DIAPH3: variants seen among roughly 807,000 people sequenced by gnomAD.
The protein encoded by DIAPH3 is protein diaphanous homolog 3.
In DIAPH3, 117 loss-of-function variants were observed where a neutral mutation model predicts 144.3. That is an observed-to-expected ratio of 0.81 (90% CI 0.70 to 0.95). DIAPH3 has a LOEUF of 0.95. Among genes scored for constraint, DIAPH3 ranks in the 40% least tolerant of loss-of-function variants. The pLI is 0.00. For synonymous variants in DIAPH3, 519 were observed against 488.9 expected, an observed-to-expected ratio of 1.06 and a Z score of -0.81; for missense variants, 1,421 against 1,412.7, an observed-to-expected ratio of 1.01 and a Z score of -0.09.
chr13:60,013,590 T>C (rs2053429466), intron 7 of DIAPH3, among the ~76,000 whole-genome samples: 1 of 152,220 alleles, frequency 6.6e-6, no homozygotes. Flanking sequence ...ATTTAAAAAA[T>C]ACTCTTAGTC....
chr13:59,701,759 C>T (rs760556894), intron 27 of DIAPH3, among the ~76,000 whole-genome samples: 11 of 152,202 alleles, frequency 7.2e-5, no homozygotes, highest in Non-Finnish European at 1.3e-4. Context: ...CACATACACA[C>T]ATACATAAAC....
intron 27 of DIAPH3, among the ~76,000 whole-genome samples, chr13:59,690,951 A>G (rs2033485585): frequency 6.6e-6 from 1 of 152,220 alleles, no homozygotes; most frequent in Non-Finnish European, 1.5e-5. Flanking sequence ...CTGCAGAAGC[A>G]AAGAGGACAG....
At chr13:59,762,929 C>G (rs2037675608) in intron 27 of DIAPH3, among the ~76,000 whole-genome samples, 1 of 152,066 alleles carries the variant, frequency 6.6e-6, no homozygotes, top group African/African-American at 2.4e-5. Context: ...TGTTTTGTCT[C>G]CCTTAGCCCA....
chr13:60,111,786 T>C (rs1003112487), intron 3 of DIAPH3, among the ~76,000 whole-genome samples: 1 of 152,236 alleles, frequency 6.6e-6, no homozygotes, highest in African/African-American at 2.4e-5. Context: ...CTTTGGAGTA[T>C]TTGTTTTCAC....
chr13:59,763,927 T>C (rs1348368646), intron 27 of DIAPH3, among the ~76,000 whole-genome samples: 2 of 152,000 alleles, frequency 1.3e-5, no homozygotes, highest in African/African-American at 4.8e-5. Flanking sequence ...TGTAATTCTC[T>C]TGCTCCGAGC....
chr13:60,045,166 A>T (rs2055981919), intron 4 of DIAPH3, among the ~76,000 whole-genome samples: 2 of 151,952 alleles, frequency 1.3e-5, no homozygotes, highest in Non-Finnish European at 2.9e-5. Context: ...ACATGGAGAA[A>T]CCCATCTCTA....
At chr13:59,897,506 T>A (rs1017598008) in intron 20 of DIAPH3, among the ~76,000 whole-genome samples, 1 of 151,692 alleles carries the variant, frequency 6.6e-6, no homozygotes, top group Admixed American at 6.6e-5. Context: ...TCCCAGCACT[T>A]TGGGAGGCCG....
intron 27 of DIAPH3, among the ~76,000 whole-genome samples, chr13:59,677,826 T>A (rs933891178): frequency 6.6e-6 from 1 of 152,188 alleles, no homozygotes; most frequent in African/African-American, 2.4e-5. Flanking sequence ...TCTAGGTAAG[T>A]TGGATTTAGG....
At chr13:60,162,543 C>T (rs1370019853) in intron 1 of DIAPH3, among the ~76,000 whole-genome samples, 2 of 152,094 alleles carry the variant, frequency 1.3e-5, no homozygotes, top group Admixed American at 1.3e-4. Flanking sequence ...CATTTTGATA[C>T]TTAATTTGGC....
At chr13:59,980,961 C>T in intron 13 of DIAPH3, 102 bp from the exon 14 acceptor site, 1 of 888,228 alleles carries the variant, frequency 1.1e-6, no homozygotes, top group African/African-American at 1.7e-5. Flanking sequence ...TAATTAAATA[C>T]TGATACTACC....
intron 21 of DIAPH3, among the ~76,000 whole-genome samples, chr13:59,875,474 A>G (rs1566450459): frequency 6.6e-6 from 1 of 151,826 alleles, no homozygotes; most frequent in Non-Finnish European, 1.5e-5. Flanking sequence ...TAAGAGGCCC[A>G]GAATACATAT....
intron 27 of DIAPH3, among the ~76,000 whole-genome samples, chr13:59,724,365 A>G (rs1380927714): frequency 6.6e-6 from 1 of 152,208 alleles, no homozygotes; most frequent in Non-Finnish European, 1.5e-5. Flanking sequence ...AAAGAATTTA[A>G]GACACCTGTT....
chr13:59,807,339 G>GA (rs977153932), intron 25 of DIAPH3, among the ~76,000 whole-genome samples: 7 of 150,624 alleles, frequency 4.6e-5, no homozygotes, highest in Non-Finnish European at 7.4e-5. Context: ...CCCACAGTCT[G>GA]AAAAAAAAAT....
intron 1 of DIAPH3, among the ~76,000 whole-genome samples, chr13:60,154,354 G>GT (rs1256304696): frequency 6.6e-6 from 1 of 152,104 alleles, no homozygotes; most frequent in Non-Finnish European, 1.5e-5. Context: ...ACAGAGAACG[G>GT]TTAAGTAATT....
intron 1 of DIAPH3, among the ~76,000 whole-genome samples, chr13:60,133,877 A>G (rs569110893): frequency 6.6e-6 from 1 of 152,296 alleles, no homozygotes; most frequent in South Asian, 2.1e-4. Context: ...TAAATAGGAA[A>G]CAAGGTCTAC....
chr13:60,070,890 A>G (rs1296447444), intron 4 of DIAPH3, among the ~76,000 whole-genome samples: 1 of 152,224 alleles, frequency 6.6e-6, no homozygotes, highest in Non-Finnish European at 1.5e-5. Context: ...TTATTTTGAG[A>G]GAAATGGAAT....
intron 1 of DIAPH3, among the ~76,000 whole-genome samples, chr13:60,149,012 T>C (rs1951659836): frequency 6.6e-6 from 1 of 152,140 alleles, no homozygotes; most frequent in South Asian, 2.1e-4. Context: ...AACAAGTAAT[T>C]CACAGAAAGT....
intron 3 of DIAPH3, among the ~76,000 whole-genome samples, chr13:60,109,932 CAAAAGACA>C (rs1332193207): frequency 2.0e-5 from 3 of 152,126 alleles, no homozygotes; most frequent in Non-Finnish European, 4.4e-5. Flanking sequence ...CAGCTTTCAC[CAAAAGACA>C]AACGGGGGGA....
intron 24 of DIAPH3, among the ~76,000 whole-genome samples, chr13:59,831,059 A>G (rs1485026849): frequency 6.6e-6 from 1 of 151,920 alleles, no homozygotes; most frequent in Non-Finnish European, 1.5e-5. Context: ...TTATAGCAGT[A>G]TAACACTGAG....
Sources: gnomAD v4.1 joint callset for allele counts (sites outside exome capture counted in the v4.1 genomes callset) on GRCh38, gnomAD v4.1.1 for gene constraint, MANE v1.5 for transcripts, NCBI Gene and HGNC (gene_info 2026-07-23, HGNC 2026-07-21) for gene names.